Variants in DOCK3 observed in about 807,000 individuals in gnomAD.
DOCK3 encodes the protein dedicator of cytokinesis 3.
Under a neutral mutation model 265.6 loss-of-function variants are expected in DOCK3, and 60 were observed. The observed-to-expected ratio is 0.23, with a 90% confidence interval of 0.18 to 0.28. DOCK3 has a LOEUF of 0.28. Among genes scored for constraint, DOCK3 ranks in the 10% least tolerant of loss-of-function variants. DOCK3 has a pLI of 1.00. For synonymous variants in DOCK3, 881 were observed against 938.0 expected, an observed-to-expected ratio of 0.94 and a Z score of 1.11; for missense variants, 1,981 against 2,594.3, an observed-to-expected ratio of 0.76 and a Z score of 5.14.
intron 5 of DOCK3, among the ~76,000 whole-genome samples, chr3:51,018,441 G>GT (rs34676863): frequency 0.82 from 116,220 of 141,850 alleles, 48,056 homozygotes; most frequent in East Asian, 0.94. Context: ...CCACAAAAAA[G>GT]TTTTTTTTTT....
At chr3:50,900,760 C>T (rs1364892816) in intron 4 of DOCK3, 4 of 444,776 alleles carry the variant, frequency 9.0e-6, no homozygotes, top group South Asian at 3.2e-5. Context: ...CTGGAGTTTG[C>T]AGGAGGTCCA....
intron 27 of DOCK3, among the ~76,000 whole-genome samples, chr3:51,284,419 C>T (rs558807114): frequency 1.3e-5 from 2 of 152,270 alleles, no homozygotes; most frequent in South Asian, 2.1e-4. Flanking sequence ...GGACTCCATC[C>T]TAAACCTCTT....
At chr3:51,203,887 C>G (rs1431486892) in intron 12 of DOCK3, among the ~76,000 whole-genome samples, 2 of 152,184 alleles carry the variant, frequency 1.3e-5, no homozygotes, top group East Asian at 1.9e-4. Flanking sequence ...TGATCTTTGA[C>G]AAACCTGACA....
intron 32 of DOCK3, among the ~76,000 whole-genome samples, chr3:51,320,331 C>G (rs567417346): frequency 7.9e-5 from 12 of 152,354 alleles, no homozygotes; most frequent in African/African-American, 2.9e-4. Flanking sequence ...CCAGGAGATT[C>G]CCTCCAGTGC....
chr3:51,269,137 CTATA>C (rs1160046667), intron 23 of DOCK3, among the ~76,000 whole-genome samples: 1 of 141,594 alleles, frequency 7.1e-6, no homozygotes, highest in African/African-American at 2.6e-5. Flanking sequence ...CTCTCTCTCT[CTATA>C]TATATATATT....
chr3:51,160,658 C>T lies in DOCK3; in HGVS notation c.993C>T (p.Leu331=). The change falls in exon 12 of 53, where the codon CTC becomes CTT. Residue 331 remains leucine, a synonymous_variant. Coordinates refer to ENST00000266037, the MANE Select transcript of DOCK3 (RefSeq NM_004947.5). ...GCATCTTGGATGTCCTACAGTCACT[C>T]ACAGAAGTAAAGGAAGAAAAGGATT... ...VLSILDVLQS[L]TEVKEEKDFV... 6.2e-7 allele frequency: 1 copy of T among 1,613,024 alleles called. No homozygotes were observed. The highest frequency in any genetic ancestry group is 8.5e-7 in the Non-Finnish European group (1 of 1,179,460).
intron 1 of DOCK3, among the ~76,000 whole-genome samples, chr3:50,691,478 G>A (rs1324805713): frequency 1.3e-5 from 2 of 152,038 alleles, no homozygotes; most frequent in African/African-American, 4.8e-5. Context: ...ATGGACACTT[G>A]GGTTGTTTCT....
chr3:51,117,577 G>C (rs1232180778), intron 9 of DOCK3, among the ~76,000 whole-genome samples: 2 of 152,134 alleles, frequency 1.3e-5, no homozygotes, highest in African/African-American at 4.8e-5. Flanking sequence ...GAAATCGGCT[G>C]TGAATCCATC....
intron 6 of DOCK3, among the ~76,000 whole-genome samples, chr3:51,065,126 A>G (rs2081544469): frequency 6.6e-6 from 1 of 152,146 alleles, no homozygotes; most frequent in Admixed American, 6.5e-5. Flanking sequence ...GTACAATTTG[A>G]AGACTTTGGT....
chr3:50,810,143 CT>C (rs1258953244), intron 2 of DOCK3, among the ~76,000 whole-genome samples: 7 of 152,120 alleles, frequency 4.6e-5, no homozygotes, highest in African/African-American at 1.7e-4. Flanking sequence ...TCAAAAAAAT[CT>C]TTTTAAGGGT....
intron 7 of DOCK3, among the ~76,000 whole-genome samples, chr3:51,083,512 G>A (rs996264723): frequency 1.3e-5 from 2 of 152,088 alleles, no homozygotes; most frequent in African/African-American, 4.8e-5. Flanking sequence ...AGCTCAGTGA[G>A]ATACAAGAGA....
At position 50,741,211 on chromosome 3, in the gene DOCK3, TG is replaced by T. The variant is rs1267764079; in HGVS notation, c.38-37462del. On this transcript the variant is annotated intron_variant, in intron 1 of 52. Coordinates refer to ENST00000266037, the MANE Select transcript of DOCK3 (RefSeq NM_004947.5). ...ATACACTTACATTGTTTCCACCTTT[TG>T]GCTACTGTGAATAATCTATGAACAT... Among the ~76,000 whole-genome samples the T allele has an allele frequency of 5.2e-4, 79 of 151,992 alleles. 1 individual carries two copies. Among genetic ancestry groups the T allele is most frequent in the Non-Finnish European group, 1.3e-4 (9 of 67,996 alleles).
intron 2 of DOCK3, among the ~76,000 whole-genome samples, chr3:50,835,025 A>C (rs1018460336): frequency 1.3e-5 from 2 of 152,188 alleles, no homozygotes; most frequent in Non-Finnish European, 2.9e-5. Context: ...TTTTATAACC[A>C]TTTAAAATTT....
intron 1 of DOCK3, among the ~76,000 whole-genome samples, chr3:50,734,269 G>C (rs541690244): frequency 2.6e-5 from 4 of 152,186 alleles, no homozygotes; most frequent in Non-Finnish European, 4.4e-5. Context: ...AATACTTTGG[G>C]AGGCTGAGGT....
chr3:51,200,154 C>T (rs935154541), intron 12 of DOCK3, among the ~76,000 whole-genome samples: 2 of 152,092 alleles, frequency 1.3e-5, no homozygotes, highest in Non-Finnish European at 2.9e-5. Context: ...GATCGCAGTT[C>T]CTCACCAACA....
chr3:51,341,642 A>G (rs377713248), intron 38 of DOCK3, among the ~76,000 whole-genome samples: 5 of 152,218 alleles, frequency 3.3e-5, no homozygotes, highest in East Asian at 1.9e-4. Context: ...AGCTTTGCAT[A>G]TCTATAAATA....
chr3:51,351,581 A>T (rs1382229968), intron 40 of DOCK3, among the ~76,000 whole-genome samples: 1 of 151,698 alleles, frequency 6.6e-6, no homozygotes, highest in East Asian at 1.9e-4. Context: ...CCTAATTGTG[A>T]TCCCCAGGAA....
chr3:50,858,425 AATAAT>A (rs1301222887), intron 3 of DOCK3, among the ~76,000 whole-genome samples: 2 of 117,762 alleles, frequency 1.7e-5, no homozygotes, highest in Non-Finnish European at 4.0e-5. Context: ...CTTAAAATAT[AATAAT>A]AATAATAATA....
intron 51 of DOCK3, among the ~76,000 whole-genome samples, chr3:51,376,042 T>C (rs1278055259): frequency 1.3e-5 from 2 of 152,208 alleles, no homozygotes; most frequent in Non-Finnish European, 2.9e-5. Flanking sequence ...CCCTCCTTCC[T>C]CAGGGCCTAC....
Sources: gnomAD v4.1 joint callset for allele counts (sites outside exome capture counted in the v4.1 genomes callset) on GRCh38, gnomAD v4.1.1 for gene constraint, MANE v1.5 for transcripts, NCBI Gene and HGNC (gene_info 2026-07-23, HGNC 2026-07-21) for gene names.